The following BRD10 variants were observed in gnomAD, a reference collection of about 807,000 sequenced individuals.
BRD10 encodes the protein uncharacterized bromodomain-containing protein 10.
the BRD10 span, chr9:6,007,101 C>T: frequency 7.7e-7 from 1 of 1,305,350 alleles, no homozygotes; most frequent in Non-Finnish European, 1.1e-6. Flanking sequence ...CTATCAGCGC[C>T]GCCCCCAGGC....
At chr9:5,903,064 T>G in the BRD10 span, among the ~76,000 whole-genome samples, 7 of 152,230 alleles carry the variant, frequency 4.6e-5, no homozygotes, top group Non-Finnish European at 1.0e-4. Context: ...AAATTTCTCC[T>G]GAGATTTCTC....
the BRD10 span, among the ~76,000 whole-genome samples, chr9:5,990,564 C>T: frequency 1.3e-5 from 2 of 152,282 alleles, no homozygotes; most frequent in South Asian, 4.1e-4. Flanking sequence ...CTTTCTAAAT[C>T]AGTATTTTCT....
chr9:5,932,217 T>C, the BRD10 span, among the ~76,000 whole-genome samples: 2 of 152,130 alleles, frequency 1.3e-5, no homozygotes, highest in East Asian at 1.9e-4. Flanking sequence ...AAGCTACTAA[T>C]AGCTTTTCTG....
the BRD10 span, among the ~76,000 whole-genome samples, chr9:5,916,045 T>C: frequency 1.3e-5 from 2 of 152,234 alleles, no homozygotes; most frequent in Non-Finnish European, 2.9e-5. Flanking sequence ...TGCTATACCC[T>C]TCAACTTTTC....
chr9:5,975,434 C>A, the BRD10 span, among the ~76,000 whole-genome samples: 2 of 99,854 alleles, frequency 2.0e-5, no homozygotes, highest in South Asian at 3.8e-4. Context: ...AGTGAAACTC[C>A]ATCTCAAAAA....
chr9:5,969,260 A>G, the BRD10 span: 1 of 1,613,900 alleles, frequency 6.2e-7, no homozygotes. Context: ...TTCGTAAAAG[A>G]CTATTTCTGG....
the BRD10 span, chr9:5,922,367 T>A: frequency 1.2e-6 from 2 of 1,613,854 alleles, no homozygotes; most frequent in African/African-American, 2.7e-5. Context: ...ATTCTTGGCT[T>A]TTCCTGCCTC....
At chr9:5,974,118 C>CAAAAAAAATCTTA in the BRD10 span, among the ~76,000 whole-genome samples, 1 of 151,484 alleles carries the variant, frequency 6.6e-6, no homozygotes, top group Non-Finnish European at 1.5e-5. Context: ...AAGACATACA[C>CAAAAAAAATCTTA]AAAAAAAATC....
the BRD10 span, among the ~76,000 whole-genome samples, chr9:5,936,730 T>G: frequency 5.9e-5 from 9 of 152,362 alleles, no homozygotes; most frequent in East Asian, 1.7e-3. Context: ...CCAAAGATTT[T>G]TATATCTTCT....
At chr9:5,945,667 T>C in the BRD10 span, among the ~76,000 whole-genome samples, 1 of 152,116 alleles carries the variant, frequency 6.6e-6, no homozygotes, top group African/African-American at 2.4e-5. Flanking sequence ...ACTAAAGTTT[T>C]AGTGAACTGT....
chr9:5,964,369 C>T, the BRD10 span, among the ~76,000 whole-genome samples: 1 of 152,042 alleles, frequency 6.6e-6, no homozygotes, highest in African/African-American at 2.4e-5. Context: ...CCATCTCACA[C>T]CATTTAGAAT....
the BRD10 span, among the ~76,000 whole-genome samples, chr9:5,958,086 A>C: frequency 5.3e-5 from 8 of 152,306 alleles, no homozygotes; most frequent in Non-Finnish European, 1.2e-4. Context: ...CTAAAACAGA[A>C]AGTGTCAGCC....
chr9:5,962,141 C>A, the BRD10 span, among the ~76,000 whole-genome samples: 1 of 152,168 alleles, frequency 6.6e-6, no homozygotes, highest in African/African-American at 2.4e-5. Flanking sequence ...CCTCTACACA[C>A]TGCTTTGATA....
the BRD10 span, chr9:5,967,984 T>C: frequency 7.7e-7 from 1 of 1,295,102 alleles, no homozygotes; most frequent in Non-Finnish European, 1.1e-6. Flanking sequence ...TGAATTATAC[T>C]TAAATATAAC....
chr9:6,000,882 T>A, the BRD10 span, among the ~76,000 whole-genome samples: 1 of 152,178 alleles, frequency 6.6e-6, no homozygotes, highest in East Asian at 1.9e-4. Context: ...CCTTGTATTT[T>A]TACTAGACTC....
the BRD10 span, chr9:5,919,775 TGAGA>T: frequency 1.2e-6 from 2 of 1,613,574 alleles, no homozygotes; most frequent in Non-Finnish European, 1.7e-6. Context: ...TACAACAATC[TGAGA>T]GAGAGATGGA....
the BRD10 span, among the ~76,000 whole-genome samples, chr9:5,944,718 C>T: frequency 6.6e-6 from 1 of 151,984 alleles, no homozygotes; most frequent in Non-Finnish European, 1.5e-5. Context: ...AAAACTAGAC[C>T]ACACAGGAGA....
At chr9:5,969,455 T>G in the BRD10 span, 4 of 1,425,884 alleles carry the variant, frequency 2.8e-6, no homozygotes, top group Non-Finnish European at 3.8e-6. Flanking sequence ...ATTTAACAAA[T>G]TATACTATTA....
chr9:5,909,672 G>A, the BRD10 span: 6 of 152,208 alleles, frequency 3.9e-5, no homozygotes, highest in Admixed American at 3.9e-4. Context: ...ATTGGTAGAA[G>A]GATTTAAATA....
Sources: allele counts gnomAD v4.1 joint callset (sites outside exome capture counted in the v4.1 genomes callset), GRCh38; gene constraint gnomAD v4.1.1; transcripts MANE v1.5; gene names NCBI Gene and HGNC (gene_info 2026-07-23, HGNC 2026-07-21).